The following TASOR variants were observed in gnomAD, a reference collection of about 807,000 sequenced individuals.
TASOR encodes the protein transcription activation suppressor.
TASOR carries 53 observed loss-of-function variants against 178.6 expected under a neutral mutation model. That is an observed-to-expected ratio of 0.30 (90% CI 0.24 to 0.37). The LOEUF is 0.37. Ranked by LOEUF, TASOR falls within the 10% of genes least tolerant of loss-of-function variation. The probability of loss-of-function intolerance (pLI) is 1.00; values close to 1 mark genes in which losing one functional copy is unlikely to be tolerated. For synonymous variants in TASOR, 713 were observed against 696.2 expected (o/e 1.02, Z -0.38); for missense variants, 1,815 against 1,971.4 (o/e 0.92, Z 1.50).
At chr3:56,677,507 G>A (rs539779171) in intron 1 of TASOR, among the ~76,000 whole-genome samples, 36 of 152,272 alleles carry the variant, frequency 2.4e-4, no homozygotes, top group African/African-American at 8.7e-4. Context: ...CTTTTGAGTT[G>A]GCCCAAGGTT....
rs75834225 is a variant in TASOR at position 56,621,535 on chromosome 3, C to A, written c.*1502G>T. ...ACATATATCAATGTGATTTCAGGGC[C>A]TTCTCCAGAAGCAAAAGGAGTTGGA... On this transcript the variant is annotated 3_prime_UTR_variant, in exon 24 of 24. Transcript: ENST00000683822. The A allele has an allele frequency of 1.3e-6, 2 of 1,586,480 alleles. No individual in the cohort carries two copies. Among genetic ancestry groups the A allele is most frequent in the Admixed American group, 1.8e-5 (1 of 55,046 alleles).
At chr3:56,663,506 C>T (rs2077643799) in intron 8 of TASOR, 35 bp downstream of exon 8, 2 of 1,019,278 alleles carry the variant, frequency 2.0e-6, no homozygotes, top group East Asian at 4.0e-5. Flanking sequence ...CTTATTCTTT[C>T]CATTTATAAA....
intron 2 of TASOR, 118 bp downstream of exon 2, chr3:56,673,462 G>GT: frequency 3.2e-6 from 1 of 316,948 alleles, no homozygotes; most frequent in Non-Finnish European, 5.5e-6. Flanking sequence ...AAAAAAACTT[G>GT]TTTTCCCTTT....
Position 56,669,717 on chromosome 3 carries a change from T to C in TASOR, c.718A>G (p.Ile240Val). ...TAAATTACCTTCATTATTTTAAAAA[T>C]AACAACATCACCCATTGCCCCCGTG... is the stretch of plus-strand genomic sequence containing the variant. ...LDTGAMGDVV[I>V]FKIMKGKIKS... Residue 240 changes from isoleucine (I) to valine (V), a missense_variant, in exon 5 of 24, where the codon ATT becomes GTT. Ile to Val is a conservative substitution (Grantham distance 29, BLOSUM62 3). This residue lies in a region of TASOR where 504 missense variants were observed against 645.3 expected (regional missense o/e 0.78). Transcript: ENST00000683822. 6.5e-7 allele frequency: 1 copy of C among 1,545,264 alleles called. No homozygotes were observed. Among genetic ancestry groups the C allele is most frequent in the Non-Finnish European group, 8.7e-7 (1 of 1,143,508 alleles).
rs748066032 is a variant in TASOR at position 56,623,365 on chromosome 3, T to C, written c.4685A>G (p.Asp1562Gly). 6.8e-6 allele frequency: 11 copies of C among 1,613,638 alleles called. No individual in the cohort carries two copies. The highest frequency in any genetic ancestry group is 9.3e-6 in the Non-Finnish European group (11 of 1,179,930). Reference sequence around the variant, plus strand: ...CTCTTCAGAATCAAGGTAAGTCTTATCTTCTAATAAACTGTTTTGCACATC... The same window carrying C: ...CTCTTCAGAATCAAGGTAAGTCTTACCTTCTAATAAACTGTTTTGCACATC... ...SPDVQNSLLEDKTYLDSEERT... is the reference protein window; with the variant it reads ...SPDVQNSLLEGKTYLDSEERT... Residue 1562 changes from aspartate to glycine, a missense_variant, in exon 24 of 24, where the codon GAT (aspartate) becomes GGT (glycine). Transcript: ENST00000683822.
At chr3:56,676,669 T>C (rs2031326136) in intron 1 of TASOR, among the ~76,000 whole-genome samples, 1 of 152,240 alleles carries the variant, frequency 6.6e-6, no homozygotes, top group Non-Finnish European at 1.5e-5. Context: ...TTCTATGAAA[T>C]GTTAGTCTAC....
chr3:56,655,218 G>C (rs552494468), intron 11 of TASOR, among the ~76,000 whole-genome samples: 2 of 152,070 alleles, frequency 1.3e-5, no homozygotes, highest in South Asian at 4.1e-4. Context: ...TTTAAATCAA[G>C]AAGGCAAGAA....
intron 1 of TASOR, among the ~76,000 whole-genome samples, chr3:56,680,980 T>C (rs912489763): frequency 6.6e-6 from 1 of 151,664 alleles, no homozygotes; most frequent in East Asian, 1.9e-4. Context: ...TTATCTAATT[T>C]TAAAAAAACA....
chr3:56,663,860 G>C (rs2077652007), intron 7 of TASOR: 16 of 992,340 alleles, frequency 1.6e-5, no homozygotes, highest in Non-Finnish European at 1.8e-5. Flanking sequence ...AAAGTCTCTT[G>C]TCAATTATTT....
chr3:56,682,530 G>A, intron 1 of TASOR, 146 bp downstream of exon 1: 1 of 705,232 alleles, frequency 1.4e-6, no homozygotes, highest in South Asian at 4.1e-5. Context: ...CGGCAGCTGG[G>A]CGGCCGTGGC....
At chr3:56,672,792 A>C (rs974778604) in intron 2 of TASOR, among the ~76,000 whole-genome samples, 14 of 152,214 alleles carry the variant, frequency 9.2e-5, no homozygotes, top group Non-Finnish European at 1.8e-4. Flanking sequence ...TACAATACTC[A>C]AAGAGCAAAA....
At chr3:56,634,198 C>T (rs1480235913) in intron 17 of TASOR, among the ~76,000 whole-genome samples, 1 of 152,178 alleles carries the variant, frequency 6.6e-6, no homozygotes, top group Non-Finnish European at 1.5e-5. Context: ...TTTTGAAGCG[C>T]TCAAGCAAGC....
At chr3:56,626,432 A>G (rs936376004) in intron 21 of TASOR, among the ~76,000 whole-genome samples, 3 of 152,196 alleles carry the variant, frequency 2.0e-5, no homozygotes, top group Non-Finnish European at 4.4e-5. Context: ...TAGTTGGCAC[A>G]TACAGTTCAG....
chr3:56,642,405 T>C (rs1440421202), intron 14 of TASOR, among the ~76,000 whole-genome samples: 1 of 152,194 alleles, frequency 6.6e-6, no homozygotes, highest in Non-Finnish European at 1.5e-5. Context: ...TAACAATCAA[T>C]ATATTTTAAA....
At chr3:56,632,132 G>C (rs2076928351) in intron 18 of TASOR, among the ~76,000 whole-genome samples, 1 of 152,072 alleles carries the variant, frequency 6.6e-6, no homozygotes, top group South Asian at 2.1e-4. Flanking sequence ...GATAAACCCT[G>C]GCAACTTAAC....
intron 1 of TASOR, 65 bp downstream of exon 1, chr3:56,682,609 TAG>T (rs1368010314): frequency 8.8e-6 from 12 of 1,357,224 alleles, no homozygotes; most frequent in African/African-American, 1.5e-5. Context: ...GAAGAGGAGA[TAG>T]AAAGATTCTA....
rs111635056 is a variant in TASOR at position 56,674,870 on chromosome 3, G to A, written c.332-1145C>T. On this transcript the variant is annotated intron_variant, in intron 1 of 23. Transcript: ENST00000683822. ...GTCTCGCTCTGTCACCCAGGCTGGA[G>A]TGCAGTGACACAATCTTGGCTCACT... Among the ~76,000 whole-genome samples the A allele has an allele frequency of 8.2e-3, 1,243 of 152,316 alleles. 16 individuals are homozygous for A. Among genetic ancestry groups the A allele is most frequent in the African/African-American group, 0.028 (1,161 of 41,560 alleles).
At chr3:56,624,410 T>G in intron 23 of TASOR, 69 bp downstream of exon 23, 1 of 1,520,074 alleles carries the variant, frequency 6.6e-7, no homozygotes, top group Non-Finnish European at 9.0e-7. Context: ...ATTTCATTAT[T>G]TGGTAACAGC....
At chr3:56,643,767 A>AC (rs371234336) in intron 14 of TASOR, among the ~76,000 whole-genome samples, 12 of 143,336 alleles carry the variant, frequency 8.4e-5, no homozygotes, top group African/African-American at 3.0e-4. Context: ...AAAAAAAAAA[A>AC]ACAAAAAAAA....
Sources: gnomAD v4.1 joint callset for allele counts (sites outside exome capture counted in the v4.1 genomes callset) on GRCh38, gnomAD v4.1.1 for gene constraint, gnomAD v4.1.1 regional missense constraint, MANE v1.5 for transcripts, NCBI Gene and HGNC (gene_info 2026-07-23, HGNC 2026-07-21) for gene names.